Variants in CRPPA observed in about 807,000 individuals in gnomAD.
The protein encoded by CRPPA is CDP-L-ribitol pyrophosphorylase A.
A neutral mutation model predicts 52.0 loss-of-function variants in CRPPA; 43 were observed. That is an observed-to-expected ratio of 0.83 (90% CI 0.65 to 1.07). The LOEUF is 1.07. CRPPA is among the 50% of genes least tolerant of loss of function. CRPPA has a pLI of 0.00. For missense variants in CRPPA, 629 were observed against 551.7 expected (o/e 1.14, Z -1.40); for synonymous variants, 250 against 203.5 (o/e 1.23, Z -1.94).
chr7:16,383,347 C>T (rs1340842604), intron 2 of CRPPA, among the ~76,000 whole-genome samples: 1 of 152,220 alleles, frequency 6.6e-6, no homozygotes, highest in East Asian at 1.9e-4. Flanking sequence ...GATCGTTCCT[C>T]TGGAATTTTT....
At chr7:16,249,337 G>A (rs1226257471) in intron 8 of CRPPA, among the ~76,000 whole-genome samples, 3 of 152,210 alleles carry the variant, frequency 2.0e-5, no homozygotes, top group African/African-American at 7.2e-5. Context: ...TGATGGCTCT[G>A]AAGAGAGCAG....
intron 3 of CRPPA, among the ~76,000 whole-genome samples, chr7:16,355,115 G>A (rs558488808): frequency 2.6e-5 from 4 of 152,196 alleles, no homozygotes; most frequent in Middle Eastern, 3.4e-3. Context: ...TGTCCATGTC[G>A]TAAGAATCAA....
intron 2 of CRPPA, among the ~76,000 whole-genome samples, chr7:16,389,928 A>AATATATATATAT (rs1202579530): frequency 8.4e-4 from 25 of 29,754 alleles, no homozygotes; most frequent in East Asian, 1.4e-3. Context: ...AAAAAAAAAA[A>AATATATATATAT]ATATATATAT....
chr7:16,406,153 TAG>T lies in CRPPA; in HGVS notation c.440_441del (p.Ser147Ter). On this transcript the variant is annotated frameshift_variant, in exon 2 of 10. Coordinates refer to ENST00000407010, the MANE Select transcript of CRPPA (RefSeq NM_001101426.4). LOFTEE classifies it high-confidence loss of function. Reference sequence around the variant, plus strand: ...TCATGGATAATCACTACTTCTGGCTTAGAGAGTTTAGAGTTGATCTGATCTTC... The same window carrying T: ...TCATGGATAATCACTACTTCTGGCTTAGAGTTTAGAGTTGATCTGATCTTC... ...LAEDQINSKL[S>X]KPEVVIIHDA... 1 of 1,613,938 alleles carries T rather than the reference TAG, an allele frequency of 6.2e-7. No individual in the cohort carries two copies. Among genetic ancestry groups the T allele is most frequent in the Non-Finnish European group, 8.5e-7 (1 of 1,179,864 alleles).
At chr7:16,411,473 T>A (rs1481021212) in intron 1 of CRPPA, among the ~76,000 whole-genome samples, 1 of 151,952 alleles carries the variant, frequency 6.6e-6, no homozygotes, top group African/African-American at 2.4e-5. Context: ...TCAAGTTTCT[T>A]ATAATTTCTT....
At chr7:16,214,584 C>T (rs562967519) in intron 9 of CRPPA, among the ~76,000 whole-genome samples, 74 of 152,166 alleles carry the variant, frequency 4.9e-4, no homozygotes, top group African/African-American at 1.5e-3. Flanking sequence ...CTGCAACCTC[C>T]GCCTCCGCCT....
chr7:16,221,137 G>A (rs1197758498), intron 8 of CRPPA, among the ~76,000 whole-genome samples: 5 of 152,040 alleles, frequency 3.3e-5, no homozygotes, highest in Non-Finnish European at 4.4e-5. Context: ...CAGAAATAAC[G>A]CCACATATCT....
chr7:16,348,915 G>T (rs969347075), intron 3 of CRPPA, among the ~76,000 whole-genome samples: 5 of 152,186 alleles, frequency 3.3e-5, no homozygotes, highest in African/African-American at 9.7e-5. Context: ...ACCTCTGGAA[G>T]TCAATGGGGC....
intron 9 of CRPPA, among the ~76,000 whole-genome samples, chr7:16,106,691 G>T (rs963761556): frequency 1.1e-4 from 17 of 152,118 alleles, no homozygotes; most frequent in Non-Finnish European, 2.2e-4. Context: ...TGTCTCAAAT[G>T]TACAGACAAC....
At chr7:16,170,473 G>C (rs1207036581) in intron 9 of CRPPA, among the ~76,000 whole-genome samples, 2 of 152,210 alleles carry the variant, frequency 1.3e-5, no homozygotes, top group African/African-American at 4.8e-5. Flanking sequence ...CAGGAGTGAA[G>C]CTGCAGACCT....
chr7:16,101,101 G>T (rs1243016268), intron 9 of CRPPA, among the ~76,000 whole-genome samples: 2 of 152,112 alleles, frequency 1.3e-5, no homozygotes, highest in Non-Finnish European at 2.9e-5. Context: ...AGGGATATTG[G>T]CCTGAGACAC....
chr7:16,175,387 A>AT (rs1390592906), intron 9 of CRPPA, among the ~76,000 whole-genome samples: 2 of 152,182 alleles, frequency 1.3e-5, no homozygotes, highest in Non-Finnish European at 2.9e-5. Context: ...ACATTTTTAT[A>AT]TACATTACTT....
chr7:16,309,224 C>A (rs1784982992), intron 3 of CRPPA, among the ~76,000 whole-genome samples: 3 of 152,104 alleles, frequency 2.0e-5, no homozygotes, highest in African/African-American at 7.2e-5. Context: ...TTAAGCAGAG[C>A]CACTAAAATA....
intron 9 of CRPPA, among the ~76,000 whole-genome samples, chr7:16,104,582 G>T (rs1782111024): frequency 6.6e-6 from 1 of 152,154 alleles, no homozygotes; most frequent in African/African-American, 2.4e-5. Context: ...AGTTCATGTG[G>T]ATATTAAATG....
At chr7:16,166,806 C>T (rs184889420) in intron 9 of CRPPA, among the ~76,000 whole-genome samples, 5 of 152,194 alleles carry the variant, frequency 3.3e-5, no homozygotes, top group Non-Finnish European at 7.4e-5. Flanking sequence ...TAAAAACATC[C>T]TACTTCTGCC....
intron 2 of CRPPA, among the ~76,000 whole-genome samples, chr7:16,376,678 A>G (rs1562663216): frequency 6.6e-6 from 1 of 152,218 alleles, no homozygotes; most frequent in Non-Finnish European, 1.5e-5. Context: ...AAGATCCCCT[A>G]GATGAGACTC....
chr7:16,192,526 A>G (rs1781636467), intron 9 of CRPPA, among the ~76,000 whole-genome samples: 1 of 152,158 alleles, frequency 6.6e-6, no homozygotes, highest in African/African-American at 2.4e-5. Context: ...GCTGATTAAA[A>G]TGTAGAACAT....
chr7:16,307,434 C>T (rs1187692332), intron 4 of CRPPA, among the ~76,000 whole-genome samples: 1 of 152,002 alleles, frequency 6.6e-6, no homozygotes, highest in Non-Finnish European at 1.5e-5. Flanking sequence ...GTAATCCCAG[C>T]ACTTTGGGAG....
At chr7:16,165,479 C>T (rs1034773717) in intron 9 of CRPPA, among the ~76,000 whole-genome samples, 1 of 152,170 alleles carries the variant, frequency 6.6e-6, no homozygotes, top group African/African-American at 2.4e-5. Flanking sequence ...GTTCTAGGAA[C>T]TAGGTCAATA....
Sources: allele counts gnomAD v4.1 joint callset (sites outside exome capture counted in the v4.1 genomes callset), GRCh38; gene constraint gnomAD v4.1.1; transcripts MANE v1.5; gene names NCBI Gene and HGNC (gene_info 2026-07-23, HGNC 2026-07-21).